The following EML6 variants were observed in gnomAD, a reference collection of about 807,000 sequenced individuals.
The protein encoded by EML6 is echinoderm microtubule-associated protein-like 6.
Under a neutral mutation model 240.1 loss-of-function variants are expected in EML6, and 154 were observed. The ratio of observed to expected loss-of-function variants is 0.64; its 90% CI spans 0.56 to 0.73. The LOEUF (loss-of-function observed/expected upper bound fraction) is 0.73. EML6 is among the 30% of genes least tolerant of loss of function. The pLI, the probability that EML6 is intolerant of heterozygous loss-of-function variation, is 0.00. For synonymous variants in EML6, 1,148 were observed against 899.0 expected, an observed-to-expected ratio of 1.28 and a Z score of -4.95; for missense variants, 2,964 against 2,474.6, an observed-to-expected ratio of 1.20 and a Z score of -4.20.
chr2:54,877,826 C>G lies in EML6; in HGVS notation c.2345-1721C>G, dbSNP rs377735429. Among the ~76,000 whole-genome samples the G allele has an allele frequency of 1.8e-4, 28 of 152,296 alleles. No individual in the cohort carries two copies. In the East Asian group the frequency reaches 5.0e-3, roughly 27 times the overall value. On this transcript the variant is annotated intron_variant, in intron 16 of 41. Coordinates refer to ENST00000356458, the MANE Select transcript of EML6 (RefSeq NM_001039753.4). The stretch of plus-strand genomic sequence containing the variant: ...ACTTTCAAATCCTTGCCTCATACTT[C>G]GTAGTGATGGAGGGTTGGAGAGGAT...
chr2:54,855,395 A>G (rs1423935841), intron 11 of EML6, among the ~76,000 whole-genome samples: 3 of 152,060 alleles, frequency 2.0e-5, no homozygotes, highest in Non-Finnish European at 4.4e-5. Flanking sequence ...GGACAGCACC[A>G]AGAGGATGAT....
At chr2:54,776,740 C>T (rs1451081884) in intron 2 of EML6, among the ~76,000 whole-genome samples, 1 of 152,106 alleles carries the variant, frequency 6.6e-6, no homozygotes, top group Non-Finnish European at 1.5e-5. Context: ...GCCACCCCAC[C>T]CCCACGTCCT....
Position 54,847,563 on chromosome 2 carries a change from C to T in EML6, c.1127C>T (p.Pro376Leu). Reference sequence around the variant, plus strand: ...GCGGTTCGCAGTGTAGCTTTCAGCCCCGACGGATCTCAGCTGGCCCTGGGC... The same window carrying T: ...GCGGTTCGCAGTGTAGCTTTCAGCCTCGACGGATCTCAGCTGGCCCTGGGC... ...EEAVRSVAFS[P>L]DGSQLALGMK... is the part of the protein sequence containing the mutation. The change falls in exon 9 of 42, where the codon CCC (proline) becomes CTC (leucine). Residue 376 changes from proline to leucine, a missense_variant. Transcript: ENST00000356458. The T allele has an allele frequency of 6.4e-7, 1 of 1,552,302 alleles. No individual in the cohort carries two copies. Among genetic ancestry groups the T allele is most frequent in the Middle Eastern group, 1.7e-4 (1 of 5,992 alleles).
chr2:54,865,130 T>C (rs1670901541), intron 13 of EML6, among the ~76,000 whole-genome samples: 1 of 152,118 alleles, frequency 6.6e-6, no homozygotes, highest in South Asian at 2.1e-4. Context: ...TTAAACACAA[T>C]ACAGAATTTA....
At chr2:54,905,832 A>G (rs1673301720) in intron 24 of EML6, among the ~76,000 whole-genome samples, 1 of 152,176 alleles carries the variant, frequency 6.6e-6, no homozygotes, top group Non-Finnish European at 1.5e-5. Flanking sequence ...AATGTTCTCA[A>G]GATTCCTCCA....
rs529692790 is a variant in EML6, at chr2:54,968,155, C to T, written c.5625C>T (p.Ile1875=). The T allele has an allele frequency of 3.9e-6, 6 of 1,551,514 alleles. No individual in the cohort carries two copies. In the South Asian group the frequency reaches 5.9e-5, roughly 15 times the overall value. ...TCCTGGGAGATGAAGTCATTGGAAT[C>T]TGGCCACGAAATGCAGACAAGGCTG... ...TSVLGDEVIG[I]WPRNADKADV... is the part of the protein sequence containing the mutation. Residue 1875 remains isoleucine, a synonymous_variant, in exon 40 of 42, where the codon ATC becomes ATT. Coordinates refer to ENST00000356458, the MANE Select transcript of EML6 (RefSeq NM_001039753.4).
chr2:54,785,303 G>A (rs1170870131), intron 2 of EML6, among the ~76,000 whole-genome samples: 3 of 151,628 alleles, frequency 2.0e-5, no homozygotes, highest in African/African-American at 4.9e-5. Context: ...AGCCTCTCGA[G>A]CAGCTGGGAT....
chr2:54,905,896 A>G (rs937199532), intron 24 of EML6, among the ~76,000 whole-genome samples: 1 of 150,848 alleles, frequency 6.6e-6, no homozygotes, highest in Non-Finnish European at 1.5e-5. Flanking sequence ...GTTTAATTTT[A>G]TGTATAGACT....
chr2:54,902,920 G>A (rs2104220351), intron 22 of EML6, 124 bp from the exon 23 acceptor site: 1 of 835,292 alleles, frequency 1.2e-6, no homozygotes, highest in East Asian at 2.7e-5. Context: ...CAAGTGTAGT[G>A]TCAATTTAAA....
rs561203933 is a variant in EML6 at position 54,858,503 on chromosome 2, G to C, written c.1658-1031G>C. Among the ~76,000 whole-genome samples the C allele has an allele frequency of 1.5e-3, 227 of 152,324 alleles. 1 individual carries two copies. The Middle Eastern group carries it at 0.02, about 14-fold the overall frequency. On this transcript the variant is annotated intron_variant, in intron 11 of 41. Coordinates refer to ENST00000356458, the MANE Select transcript of EML6 (RefSeq NM_001039753.4). ...TCCCCAATTACTCAATCATGAGCCA[G>C]CATTTCCAGCTGACCTTAGTTGGAG...
Position 54,879,603 on chromosome 2 carries a change from T to A in EML6, c.2401T>A (p.Trp801Arg). The A allele has an allele frequency of 6.4e-7, 1 of 1,552,026 alleles. No individual in the cohort carries two copies. The highest frequency in any genetic ancestry group is 1.2e-5 in the South Asian group (1 of 84,040). The change falls in exon 17 of 42, where the codon TGG (tryptophan) becomes AGG (arginine). Residue 801 changes from tryptophan to arginine, a missense_variant. Trp to Arg is a moderately radical substitution (Grantham distance 101). Transcript: ENST00000356458. The stretch of plus-strand genomic sequence containing the variant: ...AGACGATTTTCACAGTATTGTATTT[T>A]GGGACTGGAAAAAGGGAGAAAAGAT... The part of the protein sequence containing the change: ...GLDDFHSIVF[W>R]DWKKGEKIAT...
At position 54,948,758 on chromosome 2, in the gene EML6, G is replaced by A. The variant is rs956642128; in HGVS notation, c.4005-124G>A. 13 of 704,114 alleles carry A rather than the reference G, an allele frequency of 1.8e-5. No individual in the cohort carries two copies. In the African/African-American group the frequency reaches 2.1e-4, roughly 12 times the overall value. The allele number at this position is 704,114 out of a possible 1,614,324, so 43.6% of individuals were successfully genotyped here. Reference sequence around the variant, plus strand: ...GGAGGGCAGGACTGAACAGATCCAAGTGGAGGGGCCTTTGAGGCGGGAGGA... The same window carrying A: ...GGAGGGCAGGACTGAACAGATCCAAATGGAGGGGCCTTTGAGGCGGGAGGA... On this transcript the variant is annotated intron_variant, in intron 28 of 41. Coordinates refer to ENST00000356458, the MANE Select transcript of EML6 (RefSeq NM_001039753.4).
At chr2:54,813,427 T>G in intron 3 of EML6, 36 bp downstream of exon 3, 1 of 1,502,348 alleles carries the variant, frequency 6.7e-7, no homozygotes, top group East Asian at 2.5e-5. Flanking sequence ...ATTTAATGAC[T>G]TCTCACAACT....
At chr2:54,937,342 T>C (rs1675192363) in intron 28 of EML6, among the ~76,000 whole-genome samples, 1 of 151,332 alleles carries the variant, frequency 6.6e-6, no homozygotes, top group African/African-American at 2.4e-5. Flanking sequence ...CCCAGCACTT[T>C]GGGAAGCCGA....
At chr2:54,913,926 A>G (rs1573131201) in intron 25 of EML6, among the ~76,000 whole-genome samples, 2 of 152,174 alleles carry the variant, frequency 1.3e-5, no homozygotes, top group Non-Finnish European at 2.9e-5. Context: ...TCCTTTCCCC[A>G]TTGCTTATTT....
intron 20 of EML6, 29 bp downstream of exon 20, chr2:54,895,055 C>G (rs939587182): frequency 2.6e-5 from 38 of 1,479,700 alleles, no homozygotes; most frequent in Non-Finnish European, 3.4e-5. Context: ...TAATAGAGAT[C>G]TTTGTATTCA....
In EML6 at chr2:54,968,281, T is replaced by C; in HGVS notation, c.5751T>C (p.Phe1917=). The change falls in exon 40 of 42, where the codon TTT becomes TTC. Residue 1917 remains phenylalanine, a splice_region_variant and synonymous_variant. Coordinates refer to ENST00000356458, the MANE Select transcript of EML6 (RefSeq NM_001039753.4). ...TTGATTTTCCATGCACAGAAAAATT[T>C]GTGAGTGTTCCTCAGAGTAACCTCC... ...KLFDFPCTEK[F]AKHKRYFGHS... 6.4e-7 allele frequency: 1 copy of C among 1,551,726 alleles called. No individual in the cohort carries two copies. The highest frequency in any genetic ancestry group is 1.2e-5 in the South Asian group (1 of 84,062).
chr2:54,814,851 C>G (rs1668011666), intron 3 of EML6, among the ~76,000 whole-genome samples: 1 of 152,164 alleles, frequency 6.6e-6, no homozygotes. Context: ...TTATTTTACT[C>G]CTTTGTAATC....
chr2:54,948,145 A>G (rs881427), intron 28 of EML6, among the ~76,000 whole-genome samples: 42,032 of 152,094 alleles, frequency 0.28, 6,172 homozygotes, highest in Middle Eastern at 0.35. Context: ...GTCACCAAGA[A>G]CTGGCGTACT....
Sources: gnomAD v4.1 joint callset for allele counts (sites outside exome capture counted in the v4.1 genomes callset) on GRCh38, gnomAD v4.1.1 for gene constraint, MANE v1.5 for transcripts, NCBI Gene and HGNC (gene_info 2026-07-23, HGNC 2026-07-21) for gene names.